Variants in CLDN10 observed in about 807,000 individuals in gnomAD.
CLDN10 encodes the protein claudin-10.
A neutral mutation model predicts 22.9 loss-of-function variants in CLDN10; 15 were observed. The observed-to-expected ratio is 0.65, with a 90% confidence interval of 0.44 to 1.01. CLDN10 has a LOEUF of 1.01. Ranked by LOEUF, CLDN10 falls within the 50% of genes least tolerant of loss-of-function variation. The pLI is 0.00. For synonymous variants in CLDN10, 114 were observed against 111.4 expected, an observed-to-expected ratio of 1.02 and a Z score of -0.15; for missense variants, 247 against 287.8, an observed-to-expected ratio of 0.86 and a Z score of 1.03.
chr13:95,468,662 G>A (rs528625001), intron 1 of CLDN10, among the ~76,000 whole-genome samples: 2 of 151,902 alleles, frequency 1.3e-5, no homozygotes, highest in African/African-American at 4.8e-5. Context: ...AGAGGTGGAG[G>A]TTTCAGTGAG....
intron 1 of CLDN10, among the ~76,000 whole-genome samples, chr13:95,504,449 A>G (rs112942727): frequency 0.086 from 13,152 of 152,128 alleles, 596 homozygotes; most frequent in African/African-American, 0.099. Flanking sequence ...GCCTGATCTC[A>G]GCTCACTACA....
chr13:95,563,093 C>T (rs2043736896), intron 3 of CLDN10, among the ~76,000 whole-genome samples: 1 of 74,404 alleles, frequency 1.3e-5, no homozygotes, highest in Non-Finnish European at 3.4e-5. Flanking sequence ...CTCTGCCTAC[C>T]CACTCTCTCT....
At chr13:95,541,394 C>T (rs1211685578) in intron 1 of CLDN10, among the ~76,000 whole-genome samples, 1 of 152,206 alleles carries the variant, frequency 6.6e-6, no homozygotes, top group Admixed American at 6.5e-5. Context: ...GGGCAAATCT[C>T]TGGAGTAGTG....
At chr13:95,520,841 G>C (rs1056070859) in intron 1 of CLDN10, among the ~76,000 whole-genome samples, 1 of 152,078 alleles carries the variant, frequency 6.6e-6, no homozygotes, top group South Asian at 2.1e-4. Context: ...TTAGCTGGGC[G>C]TAGTGGCATG....
At chr13:95,527,169 G>T (rs1248284895) in intron 1 of CLDN10, among the ~76,000 whole-genome samples, 1 of 152,094 alleles carries the variant, frequency 6.6e-6, no homozygotes, top group Non-Finnish European at 1.5e-5. Context: ...TTGTTTCTTG[G>T]TTTTCCTTAT....
chr13:95,480,589 G>C (rs951677075), intron 1 of CLDN10, among the ~76,000 whole-genome samples: 1 of 152,194 alleles, frequency 6.6e-6, no homozygotes, highest in African/African-American at 2.4e-5. Flanking sequence ...CCAGTTTCAA[G>C]AGTTCCTAAA....
intron 1 of CLDN10, among the ~76,000 whole-genome samples, chr13:95,526,743 C>T (rs899284146): frequency 1.3e-5 from 2 of 151,808 alleles, no homozygotes; most frequent in Non-Finnish European, 2.9e-5. Context: ...ACCAATGTTG[C>T]GTCACTGCAC....
intron 1 of CLDN10, among the ~76,000 whole-genome samples, chr13:95,547,046 CTTTTTTT>C (rs34873593): frequency 1.1e-4 from 15 of 131,314 alleles, no homozygotes; most frequent in African/African-American, 3.9e-4. Flanking sequence ...GGCTGGCTAA[CTTTTTTT>C]TTTTTTTTTT....
At chr13:95,565,699 A>G (rs1257913499) in intron 3 of CLDN10, among the ~76,000 whole-genome samples, 2 of 152,178 alleles carry the variant, frequency 1.3e-5, no homozygotes, top group Non-Finnish European at 2.9e-5. Flanking sequence ...ATAGGTATAC[A>G]TGTGCCATGT....
chr13:95,566,131 G>C (rs1392274434), intron 3 of CLDN10, among the ~76,000 whole-genome samples: 4 of 152,154 alleles, frequency 2.6e-5, no homozygotes, highest in Non-Finnish European at 4.4e-5. Flanking sequence ...AATCCTTTGG[G>C]TATATACCCA....
chr13:95,487,965 A>G (rs974420091), intron 1 of CLDN10, among the ~76,000 whole-genome samples: 1 of 148,554 alleles, frequency 6.7e-6, no homozygotes, highest in Non-Finnish European at 1.5e-5. Flanking sequence ...GGCATGAGCC[A>G]CTGAGCCTGG....
rs146038684 is a variant in CLDN10, at chr13:95,439,611, C to T, written c.214+5564C>T. The stretch of plus-strand genomic sequence containing the variant: ...AGCCTCCCAAAATGCTGGGATTACA[C>T]GCATGAGCCACCATGCCCAGCCTCT... On this transcript the variant is annotated intron_variant, in intron 1 of 4. Coordinates refer to the CLDN10 transcript ENST00000376873. Among the ~76,000 whole-genome samples the T allele has an allele frequency of 9.9e-3, 1,507 of 151,802 alleles. 24 individuals carry two copies. Among genetic ancestry groups the T allele is most frequent in the African/African-American group, 0.035 (1,432 of 41,398 alleles).
At chr13:95,445,302 C>T (rs1208254091) in intron 1 of CLDN10, among the ~76,000 whole-genome samples, 2 of 152,234 alleles carry the variant, frequency 1.3e-5, no homozygotes, top group South Asian at 2.1e-4. Context: ...CTGCAGACGT[C>T]GATAACAAAA....
upstream of CLDN10, chr13:95,552,698 C>T (rs892555164): frequency 1.3e-6 from 2 of 1,535,432 alleles, no homozygotes; most frequent in Non-Finnish European, 1.8e-6. Flanking sequence ...GTTGGGAGTG[C>T]GGGGGTCGCG....
intron 1 of CLDN10, among the ~76,000 whole-genome samples, chr13:95,526,819 T>TAAATAAATAAAC (rs869193924): frequency 4.9e-5 from 7 of 141,634 alleles, no homozygotes; most frequent in Non-Finnish European, 7.8e-5. Flanking sequence ...AATAAATAAA[T>TAAATAAATAAAC]AAACATGGCG....
chr13:95,466,092 TTATTTAC>T (rs1232150227), intron 1 of CLDN10, among the ~76,000 whole-genome samples: 1 of 151,780 alleles, frequency 6.6e-6, no homozygotes, highest in African/African-American at 2.4e-5. Context: ...TTACCACTAT[TTATTTAC>T]TTTACTATTA....
intron 1 of CLDN10, among the ~76,000 whole-genome samples, chr13:95,510,018 A>G (rs2043079057): frequency 6.6e-6 from 1 of 152,206 alleles, no homozygotes; most frequent in Non-Finnish European, 1.5e-5. Context: ...GGCTGATTCT[A>G]AACTACCAAA....
At chr13:95,469,096 C>G (rs1018716156) in intron 1 of CLDN10, among the ~76,000 whole-genome samples, 34 of 150,678 alleles carry the variant, frequency 2.3e-4, no homozygotes, top group African/African-American at 8.0e-4. Context: ...GATTTCTTTA[C>G]AGTTTTTTGG....
At chr13:95,569,361 A>G (rs7321014) in intron 3 of CLDN10, among the ~76,000 whole-genome samples, 48,168 of 151,982 alleles carry the variant, frequency 0.32, 7,938 homozygotes, top group Middle Eastern at 0.36. Flanking sequence ...ACGTGGGTGG[A>G]TCATTTGAGG....
Sources: allele counts gnomAD v4.1 joint callset (sites outside exome capture counted in the v4.1 genomes callset), GRCh38; gene constraint gnomAD v4.1.1; transcripts MANE v1.5; gene names NCBI Gene and HGNC (gene_info 2026-07-23, HGNC 2026-07-21).